The following MAGI2 variants were observed in gnomAD, a reference collection of about 807,000 sequenced individuals.
MAGI2 encodes membrane associated guanylate kinase, WW and PDZ domain containing 2.
Under a neutral mutation model 133.3 loss-of-function variants are expected in MAGI2, and 35 were observed. The observed-to-expected ratio is 0.26, with a 90% CI of 0.20 to 0.35. MAGI2 has a LOEUF of 0.35. Among genes scored for constraint, MAGI2 ranks in the 10% least tolerant of loss-of-function variants. MAGI2 has a pLI of 1.00. For synonymous variants in MAGI2, 729 were observed against 710.6 expected (o/e 1.03, Z -0.41); for missense variants, 1,636 against 1,863.4 (o/e 0.88, Z 2.25).
chr7:78,236,401 T>A (rs918045233), intron 10 of MAGI2, among the ~76,000 whole-genome samples: 2 of 152,186 alleles, frequency 1.3e-5, no homozygotes, highest in Non-Finnish European at 2.9e-5. Context: ...CTTCCTGATT[T>A]TGTTTTGTGA....
intron 2 of MAGI2, among the ~76,000 whole-genome samples, chr7:79,002,501 G>A (rs1176929607): frequency 2.6e-5 from 4 of 151,986 alleles, no homozygotes; most frequent in African/African-American, 9.7e-5. Flanking sequence ...CACTCATTAT[G>A]TGCCCAACAA....
chr7:78,838,229 G>GT (rs1010009136), intron 2 of MAGI2, among the ~76,000 whole-genome samples: 1 of 151,974 alleles, frequency 6.6e-6, no homozygotes, highest in Non-Finnish European at 1.5e-5. Flanking sequence ...CTTTGTAGAT[G>GT]TTTTTTTCAT....
chr7:79,302,063 C>T (rs1351052458), intron 1 of MAGI2, among the ~76,000 whole-genome samples: 1 of 152,144 alleles, frequency 6.6e-6, no homozygotes, highest in Non-Finnish European at 1.5e-5. Flanking sequence ...GAACCATGAG[C>T]CAATTAAAAC....
chr7:78,539,692 G>T (rs773721898), intron 3 of MAGI2, among the ~76,000 whole-genome samples: 4 of 152,200 alleles, frequency 2.6e-5, no homozygotes, highest in African/African-American at 4.8e-5. Flanking sequence ...TAGCCACCCA[G>T]TGGTACTGGG....
rs1377241623 is a variant in MAGI2 at position 79,351,251 on chromosome 7, G to A, written c.301+101769C>T. ...AAAGAATTTACACTAAATTAAGTAG[G>A]ATTTATAGTGAATCAAAATATCATA... is the stretch of plus-strand genomic sequence containing the variant. On this transcript the variant is annotated intron_variant, in intron 1 of 21. Coordinates refer to ENST00000354212, the MANE Select transcript of MAGI2 (RefSeq NM_012301.4). 5.9e-5 allele frequency among the ~76,000 whole-genome samples: 9 copies of A among 152,190 alleles called. No individual in the cohort carries two copies. In the South Asian group the frequency reaches 1.7e-3, roughly 28 times the overall value.
intron 1 of MAGI2, among the ~76,000 whole-genome samples, chr7:79,312,757 G>A (rs894743938): frequency 6.6e-5 from 10 of 152,172 alleles, no homozygotes; most frequent in African/African-American, 2.4e-4. Context: ...ATGGCATGAA[G>A]AGCACTGTCA....
intron 7 of MAGI2, among the ~76,000 whole-genome samples, chr7:78,367,347 C>T (rs1431736877): frequency 6.6e-6 from 1 of 152,130 alleles, no homozygotes; most frequent in East Asian, 1.9e-4. Flanking sequence ...TAAATCCTCT[C>T]CTGCATTGGA....
intron 6 of MAGI2, among the ~76,000 whole-genome samples, chr7:78,428,877 C>A (rs1252457959): frequency 6.6e-6 from 1 of 152,192 alleles, no homozygotes; most frequent in Non-Finnish European, 1.5e-5. Context: ...TTCAGAGACA[C>A]AGTAGCTTAG....
At chr7:78,205,341 A>G (rs768766226) in intron 10 of MAGI2, among the ~76,000 whole-genome samples, 1 of 151,838 alleles carries the variant, frequency 6.6e-6, no homozygotes, top group Non-Finnish European at 1.5e-5. Flanking sequence ...CATGGTGGTC[A>G]GGCTGGTCTC....
At chr7:79,158,814 A>G (rs1824067844) in intron 1 of MAGI2, among the ~76,000 whole-genome samples, 1 of 152,106 alleles carries the variant, frequency 6.6e-6, no homozygotes, top group Non-Finnish European at 1.5e-5. Flanking sequence ...AATGGAATAA[A>G]TGCTTGAAAC....
chr7:78,157,619 T>C (rs1408815270), intron 16 of MAGI2, among the ~76,000 whole-genome samples: 1 of 152,206 alleles, frequency 6.6e-6, no homozygotes, highest in African/African-American at 2.4e-5. Context: ...AACACTTTCA[T>C]TGTGGCCATA....
At chr7:78,044,343 A>G (rs1811173267) in intron 21 of MAGI2, among the ~76,000 whole-genome samples, 1 of 152,216 alleles carries the variant, frequency 6.6e-6, no homozygotes, top group African/African-American at 2.4e-5. Flanking sequence ...CAACATAGCT[A>G]TGAGGAAGAC....
At chr7:79,081,449 T>G (rs1816028742) in intron 1 of MAGI2, among the ~76,000 whole-genome samples, 1 of 152,162 alleles carries the variant, frequency 6.6e-6, no homozygotes, top group African/African-American at 2.4e-5. Flanking sequence ...CAGTATTGGC[T>G]TTGGTTACCT....
At chr7:79,070,555 G>T (rs1048948648) in intron 1 of MAGI2, among the ~76,000 whole-genome samples, 9 of 151,310 alleles carry the variant, frequency 5.9e-5, no homozygotes. Context: ...GCAGTGGCAC[G>T]ATCTCGGCTC....
intron 3 of MAGI2, among the ~76,000 whole-genome samples, chr7:78,538,348 T>C (rs1034497209): frequency 6.6e-6 from 1 of 152,218 alleles, no homozygotes; most frequent in Admixed American, 6.5e-5. Context: ...GGTTGTCTTT[T>C]CTAGTTCTGT....
At chr7:78,146,237 T>A (rs143550280) in intron 16 of MAGI2, among the ~76,000 whole-genome samples, 2 of 152,224 alleles carry the variant, frequency 1.3e-5, no homozygotes, top group Non-Finnish European at 2.9e-5. Context: ...GTTTTAGATT[T>A]CTCTGCCCTG....
intron 2 of MAGI2, among the ~76,000 whole-genome samples, chr7:78,820,181 A>T (rs1789967324): frequency 6.6e-6 from 1 of 152,026 alleles, no homozygotes; most frequent in Non-Finnish European, 1.5e-5. Flanking sequence ...TCACTTTCAG[A>T]AGGGGAAATG....
Position 78,178,681 on chromosome 7 carries a change from AC to A in MAGI2, c.2312-580del. 2.0e-5 allele frequency among the ~76,000 whole-genome samples: 3 copies of A among 152,112 alleles called. No homozygotes were observed. In the South Asian group the frequency reaches 6.2e-4, roughly 32 times the overall value. Reference sequence around the variant, plus strand: ...AAAAATTAGAAGATATAGAATTTAAACTTTCTTGTATTGAGGTTCAAGAAGC... The same window carrying A: ...AAAAATTAGAAGATATAGAATTTAAATTTCTTGTATTGAGGTTCAAGAAGC... On this transcript the variant is annotated intron_variant, in intron 13 of 21. Transcript: ENST00000354212.
In MAGI2 at chr7:78,158,580, G is replaced by C. The variant is rs575946127; in HGVS notation, c.2845+1445C>G. Among the ~76,000 whole-genome samples the C allele has an allele frequency of 3.3e-5, 5 of 152,240 alleles. No homozygotes were observed. In the South Asian group the frequency reaches 1.0e-3, roughly 32 times the overall value. On this transcript the variant is annotated intron_variant, in intron 16 of 21. Coordinates refer to ENST00000354212, the MANE Select transcript of MAGI2 (RefSeq NM_012301.4). ...AACCGAGGAAACTATGACAGTGGAA[G>C]AAATCAGACCTAACCGACTCCATCT...
Sources: allele counts gnomAD v4.1 joint callset (sites outside exome capture counted in the v4.1 genomes callset), GRCh38; gene constraint gnomAD v4.1.1; transcripts MANE v1.5; gene names NCBI Gene and HGNC (gene_info 2026-07-23, HGNC 2026-07-21).